The following PSD3 variants were observed in gnomAD, a reference collection of about 807,000 sequenced individuals.
PSD3 encodes the protein pleckstrin and Sec7 domain containing 3, also known as PH and SEC7 domain-containing protein 3.
A neutral mutation model predicts 105.5 loss-of-function variants in PSD3; 49 were observed. The observed-to-expected ratio is 0.46, with a 90% CI of 0.37 to 0.59. The LOEUF is 0.59. Among genes scored for constraint, PSD3 ranks in the 20% least tolerant of loss-of-function variants. The pLI is 0.00. For synonymous variants in PSD3, 557 were observed against 457.8 expected, an observed-to-expected ratio of 1.22 and a Z score of -2.77; for missense variants, 1,561 against 1,263.8, an observed-to-expected ratio of 1.24 and a Z score of -3.57.
chr8:18,926,967 C>T (rs553910632), intron 2 of PSD3, among the ~76,000 whole-genome samples: 50 of 151,880 alleles, frequency 3.3e-4, no homozygotes, highest in Admixed American at 3.1e-3. Flanking sequence ...GGGTCTAGAT[C>T]AAGGATCCCA....
Position 18,600,349 on chromosome 8 carries a change from C to A in PSD3, c.2481+15G>T. On this transcript the variant is annotated intron_variant, in intron 12 of 15. Coordinates refer to ENST00000327040, the MANE Select transcript of PSD3 (RefSeq NM_015310.4). ...TCATCGAGTTTTGTGGATTTTTTAT[C>A]TGCTTTACTTTTACCTTTTGCAAGT... The A allele has an allele frequency of 6.2e-7, 1 of 1,601,586 alleles. No homozygotes were observed. The highest frequency in any genetic ancestry group is 8.5e-7 in the Non-Finnish European group (1 of 1,170,022).
At chr8:18,987,795 A>G (rs921960980) in intron 1 of PSD3, among the ~76,000 whole-genome samples, 1 of 152,176 alleles carries the variant, frequency 6.6e-6, no homozygotes, top group Non-Finnish European at 1.5e-5. Flanking sequence ...CCTAGGCAAC[A>G]GAGCAAGACC....
At chr8:18,879,060 A>G (rs1817924254) in intron 2 of PSD3, among the ~76,000 whole-genome samples, 2 of 149,028 alleles carry the variant, frequency 1.3e-5, no homozygotes, top group Non-Finnish European at 3.0e-5. Context: ...AAACACACAC[A>G]CACACACACA....
chr8:18,992,673 G>C (rs1825866113), intron 1 of PSD3, among the ~76,000 whole-genome samples: 3 of 152,168 alleles, frequency 2.0e-5, no homozygotes, highest in Non-Finnish European at 4.4e-5. Context: ...CTCTGAAGAA[G>C]ATTCAACAGG....
intron 9 of PSD3, among the ~76,000 whole-genome samples, chr8:18,681,573 G>C (rs1039936866): frequency 6.6e-6 from 1 of 151,744 alleles, no homozygotes; most frequent in Non-Finnish European, 1.5e-5. Flanking sequence ...ACGTGTAACT[G>C]TGGATAAAAA....
Position 18,534,247 on chromosome 8 carries a change from GTGATACTATTAGT to G in PSD3, c.*1483_*1495del, listed in dbSNP as rs1257149575. On this transcript the variant is annotated 3_prime_UTR_variant, in exon 16 of 16. Coordinates refer to ENST00000327040, the MANE Select transcript of PSD3 (RefSeq NM_015310.4). ...TAAGGGAGGAAAAAGAAAAATCAAA[GTGATACTATTAGT>G]TCTGAAGTTGTGCCACTTGCGGAGA... 6.6e-6 allele frequency: 1 copy of G among 152,530 alleles called. No individual in the cohort carries two copies. The highest frequency in any genetic ancestry group is 2.4e-5 in the African/African-American group (1 of 41,418). The allele number at this position is 152,530 out of a possible 1,614,324, so 9.4% of individuals were successfully genotyped here. A position where few individuals can be genotyped will look rare whatever the true frequency, so the allele number is the denominator to read the frequency against.
chr8:18,884,628 T>TA (rs33977540), intron 2 of PSD3, among the ~76,000 whole-genome samples: 2,791 of 150,758 alleles, frequency 0.019, 27 homozygotes, highest in African/African-American at 0.037. Flanking sequence ...AGGAAAAAAA[T>TA]AAAAAAAAAC....
chr8:18,836,941 G>C (rs538641123), intron 4 of PSD3, among the ~76,000 whole-genome samples: 1 of 150,058 alleles, frequency 6.7e-6, no homozygotes, highest in East Asian at 2.0e-4. Flanking sequence ...AAAAATTCAA[G>C]TTTCTTACGT....
At position 18,857,226 on chromosome 8, in the gene PSD3, T is replaced by A. The variant is rs560175166; in HGVS notation, c.1634+10448A>T. Among the ~76,000 whole-genome samples the A allele has an allele frequency of 3.9e-5, 6 of 152,318 alleles. No homozygotes were observed. The South Asian group carries it at 1.0e-3, about 26-fold the overall frequency. On this transcript the variant is annotated intron_variant, in intron 4 of 15. Transcript: ENST00000327040. The stretch of plus-strand genomic sequence containing the variant: ...GAGAACGGGGACTGGCTCAACTTTG[T>A]ATTCTGCCTCTAAGCAACTTGCAGT...
chr8:18,655,740 G>T, intron 9 of PSD3, 55 bp from the exon 10 acceptor site: 1 of 1,530,238 alleles, frequency 6.5e-7, no homozygotes, highest in Non-Finnish European at 9.0e-7. Flanking sequence ...TCCACATTTT[G>T]AATTCAGCAA....
chr8:18,594,322 A>ATATATATTATAATATATAATATATATTC (rs1563359087), intron 12 of PSD3, among the ~76,000 whole-genome samples: 11 of 24,082 alleles, frequency 4.6e-4, no homozygotes, highest in African/African-American at 1.1e-3. Flanking sequence ...ATTATATATA[A>ATATATATTATAATATATAATATATATTC]TATATATTAT....
At chr8:18,996,836 A>G (rs1826103338) in intron 1 of PSD3, among the ~76,000 whole-genome samples, 1 of 151,858 alleles carries the variant, frequency 6.6e-6, no homozygotes, top group African/African-American at 2.4e-5. Flanking sequence ...CTACTACACT[A>G]TAATCCCAGT....
chr8:18,986,638 G>A (rs1430347391), intron 1 of PSD3, among the ~76,000 whole-genome samples: 5 of 151,290 alleles, frequency 3.3e-5, no homozygotes, highest in East Asian at 1.9e-4. Context: ...TTCCTTATCC[G>A]GTCAGCAGAT....
chr8:18,639,768 A>G (rs1254371760), intron 10 of PSD3, among the ~76,000 whole-genome samples: 5 of 152,162 alleles, frequency 3.3e-5, no homozygotes, highest in South Asian at 2.1e-4. Flanking sequence ...GCATTTTGTT[A>G]TGGCAGCCAA....
At chr8:18,895,882 T>C (rs1819117490) in intron 2 of PSD3, among the ~76,000 whole-genome samples, 2 of 152,262 alleles carry the variant, frequency 1.3e-5, no homozygotes, top group South Asian at 2.1e-4. Context: ...AGTCCTGCTA[T>C]AGAATACTAG....
intron 2 of PSD3, among the ~76,000 whole-genome samples, chr8:18,927,217 T>C (rs1264147559): frequency 3.3e-5 from 5 of 152,024 alleles, no homozygotes; most frequent in Non-Finnish European, 7.4e-5. Context: ...CGGGTTTTTT[T>C]GTTTTGTTTT....
At chr8:18,926,025 G>A (rs1424754382) in intron 2 of PSD3, among the ~76,000 whole-genome samples, 1 of 152,076 alleles carries the variant, frequency 6.6e-6, no homozygotes, top group Non-Finnish European at 1.5e-5. Flanking sequence ...CCACTGTCCA[G>A]GAACTAACAT....
intron 1 of PSD3, among the ~76,000 whole-genome samples, chr8:18,966,338 G>C (rs572433870): frequency 1.3e-5 from 2 of 152,228 alleles, no homozygotes; most frequent in Admixed American, 1.3e-4. Context: ...GGGAGGCCGA[G>C]GCAGGTGAAT....
chr8:18,607,856 G>A (rs903434601), intron 11 of PSD3, among the ~76,000 whole-genome samples: 2 of 152,092 alleles, frequency 1.3e-5, no homozygotes, highest in African/African-American at 4.8e-5. Context: ...ACGGCAGAAG[G>A]GGAAATGATT....
Sources: allele counts gnomAD v4.1 joint callset (sites outside exome capture counted in the v4.1 genomes callset), GRCh38; gene constraint gnomAD v4.1.1; transcripts MANE v1.5; gene names NCBI Gene and HGNC (gene_info 2026-07-23, HGNC 2026-07-21).